PSG7: variants seen among roughly 807,000 people sequenced by gnomAD.
The protein encoded by PSG7 is pregnancy-specific beta-1-glycoprotein 7.
PSG7 carries 57 observed loss-of-function variants against 45.6 expected under a neutral mutation model. The observed-to-expected ratio is 1.25, with a 90% CI of 1.01 to 1.56. PSG7 has a LOEUF of 1.56. Ranked by LOEUF, PSG7 falls within the 40% of genes most tolerant of loss-of-function variation. PSG7 has a pLI of 0.00. For missense variants in PSG7, 796 were observed against 508.4 expected (o/e 1.57, Z -5.44); for synonymous variants, 298 against 194.4 (o/e 1.53, Z -4.43).
intron 3 of PSG7, chr19:42,929,128 G>T: frequency 2.1e-6 from 1 of 487,620 alleles, no homozygotes; most frequent in Non-Finnish European, 3.5e-6. Context: ...GTGACCCTGT[G>T]AGTCAAGTCG....
intron 2 of PSG7, among the ~76,000 whole-genome samples, chr19:42,933,250 T>C (rs1973058829): frequency 9.1e-6 from 1 of 109,944 alleles, no homozygotes; most frequent in African/African-American, 3.2e-5. Flanking sequence ...CATTCTTTAC[T>C]ACAAATCACC....
chr19:42,928,086 C>G lies in PSG7; in HGVS notation c.709+1356G>C, dbSNP rs140225942. 7.9e-3 allele frequency among the ~76,000 whole-genome samples: 1,200 copies of G among 151,164 alleles called. 37 individuals carry two copies. The highest frequency in any genetic ancestry group is 0.027 in the African/African-American group (1,105 of 41,158). ...AAGATATTCTTGCCCTTTTTTTTCT[C>G]TCACCACGTTTCTAGCTTGGTGATT... On this transcript the variant is annotated intron_variant, in intron 3 of 5. Coordinates refer to ENST00000406070, the MANE Select transcript of PSG7 (RefSeq NM_002783.3).
intron 3 of PSG7, 145 bp downstream of exon 3, chr19:42,929,297 G>A: frequency 6.4e-7 from 1 of 1,550,546 alleles, no homozygotes; most frequent in South Asian, 1.2e-5. Context: ...ACTCTGGTTT[G>A]CCTGGGGCAG....
chr19:42,925,389 C>G (rs1169252491), intron 5 of PSG7: 3 of 426,100 alleles, frequency 7.0e-6, no homozygotes, highest in Admixed American at 4.4e-5. Context: ...TTATCATTCC[C>G]AGAAGTATAG....
chr19:42,929,002 A>G (rs1972957012), intron 3 of PSG7, among the ~76,000 whole-genome samples: 1 of 151,406 alleles, frequency 6.6e-6, no homozygotes, highest in African/African-American at 2.4e-5. Context: ...TTGTATGGTA[A>G]TAGGTGTATG....
In PSG7 at chr19:42,926,363, A is replaced by C. The variant is rs767177755; in HGVS notation, c.988+75T>G. 2.6e-4 allele frequency: 415 copies of C among 1,589,494 alleles called. 8 individuals are homozygous for C. The highest frequency in any genetic ancestry group is 3.1e-4 in the Non-Finnish European group (367 of 1,167,954). On this transcript the variant is annotated intron_variant, in intron 4 of 5. Transcript: ENST00000406070. Reference sequence around the variant, plus strand: ...CTTGGACCGGAGAGAGACTGAGAGGACTGGCCTCTGGTCGTTTGGAGTTAA... The same window carrying C: ...CTTGGACCGGAGAGAGACTGAGAGGCCTGGCCTCTGGTCGTTTGGAGTTAA...
rs1483653410 is a variant in PSG7 at position 42,937,187 on chromosome 19, TC to T, written c.-112del. On this transcript the variant is annotated 5_prime_UTR_variant, in exon 1 of 6. Coordinates refer to ENST00000406070, the MANE Select transcript of PSG7 (RefSeq NM_002783.3). ...CTTCCTCCTTCTGCACTGAGCCTCT[TC>T]CCGGGGCAGGAGCACTTCTCAAGCT... The T allele has an allele frequency of 9.6e-6, 14 of 1,458,598 alleles. No homozygotes were observed. Among genetic ancestry groups the T allele is most frequent in the South Asian group, 5.3e-5 (4 of 75,826 alleles). 90.4% of individuals were successfully genotyped at this position (1,458,598 alleles called of 1,614,324 possible).
Position 42,928,372 on chromosome 19 carries a change from G to A in PSG7, c.709+1070C>T, listed in dbSNP as rs560279015. 1.3e-3 allele frequency among the ~76,000 whole-genome samples: 203 copies of A among 151,612 alleles called. 2 individuals carry two copies. The highest frequency in any genetic ancestry group is 3.0e-3 in the African/African-American group (122 of 41,278). On this transcript the variant is annotated intron_variant, in intron 3 of 5. Coordinates refer to ENST00000406070, the MANE Select transcript of PSG7 (RefSeq NM_002783.3). The stretch of plus-strand genomic sequence containing the variant: ...GCATTGAATCTGCAACTCACTTTGC[G>A]TAGTATTTTCTTTCTAACAATATTG...
intron 2 of PSG7, 83 bp downstream of exon 2, chr19:42,935,321 A>G: frequency 1.3e-6 from 2 of 1,541,296 alleles, no homozygotes; most frequent in Admixed American, 1.7e-5. Flanking sequence ...ACACAGGCAC[A>G]GTCCAGGCCT....
intron 5 of PSG7, chr19:42,925,528 A>G (rs1972862123): frequency 9.6e-7 from 1 of 1,040,916 alleles, no homozygotes; most frequent in East Asian, 2.7e-5. Context: ...ATTATTATCA[A>G]TTATTTCAAT....
At chr19:42,927,700 G>T (rs1478534048) in intron 3 of PSG7, 1 of 151,524 alleles carries the variant, frequency 6.6e-6, no homozygotes, top group Non-Finnish European at 1.5e-5. Context: ...ACTACTCTAG[G>T]GACCTCATGT....
chr19:42,931,815 C>T (rs1268371504), intron 2 of PSG7, among the ~76,000 whole-genome samples: 2 of 151,350 alleles, frequency 1.3e-5, no homozygotes, highest in East Asian at 1.9e-4. Flanking sequence ...TGTAGTTGTC[C>T]CACAACTACA....
rs1193892946 is a variant in PSG7, at chr19:42,924,315, T to C, written c.*493A>G. 1 of 362,580 alleles carries C rather than the reference T, an allele frequency of 2.8e-6. No individual in the cohort carries two copies. Among genetic ancestry groups the C allele is most frequent in the Non-Finnish European group, 4.9e-6 (1 of 203,576 alleles). The allele number at this position is 362,580 out of a possible 1,614,324, so 22.5% of individuals were successfully genotyped here. ...TCTCTGCAAACACACAGGCAATATC[T>C]CTGTGTTCATTTCTATTGGGAGCCC... On this transcript the variant is annotated 3_prime_UTR_variant, in exon 6 of 6. Transcript: ENST00000406070.
Position 42,928,599 on chromosome 19 carries a change from A to G in PSG7, c.709+843T>C, listed in dbSNP as rs756913371. ...TTTTCAGATTGTTCATTGTTAGTGT[A>G]TAGTCTGAAGAATGATCTAGAAAGA... On this transcript the variant is annotated intron_variant, in intron 3 of 5. Transcript: ENST00000406070. Among the ~76,000 whole-genome samples the G allele has an allele frequency of 3.3e-5, 5 of 151,488 alleles. 1 individual carries two copies. Among genetic ancestry groups the G allele is most frequent in the East Asian group, 1.9e-4 (1 of 5,170 alleles).
At chr19:42,932,683 T>C (rs996150146) in intron 2 of PSG7, among the ~76,000 whole-genome samples, 1 of 151,516 alleles carries the variant, frequency 6.6e-6, no homozygotes, top group African/African-American at 2.4e-5. Flanking sequence ...TGGGAAGAAT[T>C]TGGTTTATGG....
rs879305214 is a variant in PSG7 at position 42,932,180 on chromosome 19, C to T, written c.431-2460G>A. On this transcript the variant is annotated intron_variant, in intron 2 of 5. Transcript: ENST00000406070. ...CTGGGACTACAGGTGCCCACCACCA[C>T]GTCCCACTAATTTTTTGTATTTTTA... Among the ~76,000 whole-genome samples, 87 of 151,364 alleles carry T rather than the reference C, an allele frequency of 5.7e-4. 1 individual carries two copies. Among genetic ancestry groups the T allele is most frequent in the Non-Finnish European group, 5.0e-4 (34 of 67,806 alleles).
At chr19:42,926,155 T>A (rs1972882629) in intron 4 of PSG7, 128 bp from the exon 5 acceptor site, 1 of 1,476,022 alleles carries the variant, frequency 6.8e-7, no homozygotes, top group African/African-American at 1.4e-5. Flanking sequence ...ATCCCCTCTA[T>A]GTTCACTGAG....
rs782239794 is a variant in PSG7 at position 42,935,713 on chromosome 19, G to T, written c.121C>A (p.Gln41Lys). The T allele has an allele frequency of 6.2e-7, 1 of 1,611,904 alleles. No homozygotes were observed. Among genetic ancestry groups the T allele is most frequent in the African/African-American group, 1.3e-5 (1 of 74,600 alleles). ...PTTAQVTIEA[Q>K]PPKVSEGKDV... ...TTCCCCTCGGAAACTTTTGGTGGCT[G>T]GGCTTCAATCGTGACTTGGGCTGTG... The change falls in exon 2 of 6, where the codon CAG becomes AAG. Residue 41 changes from glutamine (Q) to lysine (K), a missense_variant. Physicochemically the swap from Gln to Lys is moderately conservative, Grantham distance 53 (BLOSUM62 1). Transcript: ENST00000406070.
rs1972885579 is a variant in PSG7 at position 42,926,265 on chromosome 19, C to T, written c.988+173G>A. 2.8e-6 allele frequency: 4 copies of T among 1,430,268 alleles called. No individual in the cohort carries two copies. In the Admixed American group the frequency reaches 7.7e-5, roughly 27 times the overall value. 88.6% of individuals were successfully genotyped at this position (1,430,268 alleles called of 1,614,324 possible). A position where few individuals can be genotyped will look rare whatever the true frequency, so the allele number is the denominator to read the frequency against. ...ACTCCCCTTATATTCTTGGTTAAGG[C>T]TGTGCCTACCCAGGTTTTCCCAGGG... On this transcript the variant is annotated intron_variant, in intron 4 of 5. Transcript: ENST00000406070.
Sources: allele counts gnomAD v4.1 joint callset (sites outside exome capture counted in the v4.1 genomes callset), GRCh38; gene constraint gnomAD v4.1.1; transcripts MANE v1.5; gene names NCBI Gene and HGNC (gene_info 2026-07-23, HGNC 2026-07-21).